Variants in SMARCA2 observed in about 807,000 individuals in gnomAD.
The protein encoded by SMARCA2 is SWI/SNF-related matrix-associated actin-dependent regulator of chromatin subfamily A member 2.
Under a neutral mutation model 199.8 loss-of-function variants are expected in SMARCA2, and 61 were observed. The ratio of observed to expected loss-of-function variants is 0.31; its 90% CI spans 0.25 to 0.38. The LOEUF is 0.38. Among genes scored for constraint, SMARCA2 ranks in the 10% least tolerant of loss-of-function variants. SMARCA2 has a pLI of 1.00. For missense variants in SMARCA2, 1,344 were observed against 2,012.2 expected (o/e 0.67, Z 6.35); for synonymous variants, 935 against 732.0 (o/e 1.28, Z -4.48).
At chr9:2,167,026 AT>A (rs1397460580) in intron 28 of SMARCA2, among the ~76,000 whole-genome samples, 2 of 152,162 alleles carry the variant, frequency 1.3e-5, no homozygotes, top group East Asian at 3.8e-4. Context: ...TTTCTTCTAA[AT>A]TTTTACCAAG....
intron 8 of SMARCA2, among the ~76,000 whole-genome samples, chr9:2,060,533 G>C (rs547788447): frequency 1.3e-5 from 2 of 152,350 alleles, no homozygotes; most frequent in African/African-American, 4.8e-5. Context: ...AAGCAACACA[G>C]AAAACAAAGA....
chr9:2,150,139 A>T (rs1207173581), intron 27 of SMARCA2, among the ~76,000 whole-genome samples: 5 of 151,606 alleles, frequency 3.3e-5, no homozygotes, highest in Non-Finnish European at 5.9e-5. Flanking sequence ...GGGAAGAGCT[A>T]GTCATCTCCT....
intron 24 of SMARCA2, among the ~76,000 whole-genome samples, chr9:2,113,716 A>G (rs374735730): frequency 5.1e-4 from 77 of 152,260 alleles, no homozygotes; most frequent in African/African-American, 1.9e-3. Flanking sequence ...AGGATTCTGT[A>G]ATGTCTGACC....
At chr9:2,079,748 A>G (rs1046689695) in intron 14 of SMARCA2, among the ~76,000 whole-genome samples, 2 of 152,200 alleles carry the variant, frequency 1.3e-5, no homozygotes, top group South Asian at 4.1e-4. Flanking sequence ...CCTGACATAG[A>G]TGTTAACTCA....
intron 28 of SMARCA2, among the ~76,000 whole-genome samples, chr9:2,168,635 A>C (rs1826065567): frequency 6.6e-6 from 1 of 152,240 alleles, no homozygotes; most frequent in Non-Finnish European, 1.5e-5. Flanking sequence ...AAACCAATGG[A>C]TCTTTACACT....
intron 4 of SMARCA2, 150 bp downstream of exon 4, chr9:2,040,050 G>A: frequency 2.9e-6 from 4 of 1,403,252 alleles, no homozygotes; most frequent in Non-Finnish European, 2.8e-6. Flanking sequence ...CACTTAGATG[G>A]CCAAGATTCT....
intron 32 of SMARCA2, among the ~76,000 whole-genome samples, chr9:2,186,490 T>C (rs542337954): frequency 2.4e-4 from 37 of 152,166 alleles, no homozygotes; most frequent in African/African-American, 8.4e-4. Context: ...GCAAACACTG[T>C]TTTATTTCTT....
intron 23 of SMARCA2, among the ~76,000 whole-genome samples, chr9:2,109,259 A>G (rs1269628830): frequency 1.3e-5 from 2 of 152,202 alleles, no homozygotes; most frequent in Admixed American, 1.3e-4. Context: ...ATATTTCCCA[A>G]CAGCCTAAAG....
At chr9:2,087,716 G>A (rs947128263) in intron 18 of SMARCA2, among the ~76,000 whole-genome samples, 30 of 152,120 alleles carry the variant, frequency 2.0e-4, no homozygotes, top group Admixed American at 1.5e-3. Context: ...AAATGGGCAC[G>A]TGTCATTTTC....
At chr9:2,165,265 G>C (rs927757205) in intron 28 of SMARCA2, among the ~76,000 whole-genome samples, 6 of 152,202 alleles carry the variant, frequency 3.9e-5, no homozygotes, top group Non-Finnish European at 7.3e-5. Context: ...TATATAAGAA[G>C]AATTAATTAG....
intron 10 of SMARCA2, 64 bp downstream of exon 10, chr9:2,070,535 A>T: frequency 1.7e-6 from 2 of 1,194,054 alleles, no homozygotes; most frequent in Non-Finnish European, 2.5e-6. Context: ...ACCTGGCAGC[A>T]CCATTCTTCA....
At chr9:2,147,024 T>G (rs532399372) in intron 27 of SMARCA2, among the ~76,000 whole-genome samples, 1 of 152,262 alleles carries the variant, frequency 6.6e-6, no homozygotes, top group African/African-American at 2.4e-5. Flanking sequence ...TAGCCCCTAT[T>G]CAAGATGGAG....
intron 1 of SMARCA2, among the ~76,000 whole-genome samples, chr9:2,018,751 A>G (rs1818472105): frequency 6.6e-6 from 1 of 152,368 alleles, no homozygotes; most frequent in East Asian, 1.9e-4. Flanking sequence ...GAACCCTAAT[A>G]ATAATTTAAA....
chr9:2,051,760 A>G (rs186242013), intron 5 of SMARCA2, among the ~76,000 whole-genome samples: 9 of 152,358 alleles, frequency 5.9e-5, no homozygotes, highest in East Asian at 1.9e-4. Flanking sequence ...TCACGCCACT[A>G]TAATACTTAA....
chr9:2,019,789 A>T (rs1818523487), intron 1 of SMARCA2, among the ~76,000 whole-genome samples: 3 of 151,808 alleles, frequency 2.0e-5, no homozygotes. Flanking sequence ...AAATTATAAA[A>T]GTGGTGCTGT....
Position 2,179,786 on chromosome 9 carries a change from T to C in SMARCA2, c.4254-1785T>C, listed in dbSNP as rs115376004. On this transcript the variant is annotated intron_variant, in intron 29 of 33. Transcript: ENST00000349721. ...AATGTAGAAGATGACACCATGAAGA[T>C]GTGTCATTGAGGGAGAGTCAGGTGT... 5.6e-3 allele frequency among the ~76,000 whole-genome samples: 846 copies of C among 152,256 alleles called. 10 individuals are homozygous for C. Among genetic ancestry groups the C allele is most frequent in the African/African-American group, 0.02 (813 of 41,548 alleles).
intron 15 of SMARCA2, 45 bp from the exon 16 acceptor site, chr9:2,083,302 T>G (rs1821649318): frequency 1.5e-6 from 2 of 1,312,710 alleles, no homozygotes; most frequent in Non-Finnish European, 1.1e-6. Context: ...CATTGATTTT[T>G]ATACAAATGT....
At position 2,126,556 on chromosome 9, in the gene SMARCA2, C is replaced by G. The variant is rs148927638; in HGVS notation, c.3981+2619C>G. On this transcript the variant is annotated intron_variant, in intron 27 of 33. Transcript: ENST00000349721. ...CCTGGATGTGAAGAGATGTTCTCTA[C>G]TGGCTTATGATTTAACACATTGCAT... Among the ~76,000 whole-genome samples, 738 of 152,384 alleles carry G rather than the reference C, an allele frequency of 4.8e-3. 2 individuals carry two copies. Among genetic ancestry groups the G allele is most frequent in the Middle Eastern group, 0.027 (8 of 294 alleles).
intron 23 of SMARCA2, among the ~76,000 whole-genome samples, chr9:2,109,540 C>A (rs1399005911): frequency 2.0e-5 from 3 of 152,164 alleles, no homozygotes; most frequent in Admixed American, 6.5e-5. Flanking sequence ...AAGTATTTAA[C>A]ATGCTGCTCT....
Sources: gnomAD v4.1 joint callset for allele counts (sites outside exome capture counted in the v4.1 genomes callset) on GRCh38, gnomAD v4.1.1 for gene constraint, MANE v1.5 for transcripts, NCBI Gene and HGNC (gene_info 2026-07-23, HGNC 2026-07-21) for gene names.